DDAH1: variants seen among roughly 807,000 people sequenced by gnomAD.
DDAH1 encodes the protein N(G),N(G)-dimethylarginine dimethylaminohydrolase 1.
Under a neutral mutation model 28.8 loss-of-function variants are expected in DDAH1, and 19 were observed. The ratio of observed to expected loss-of-function variants is 0.66; its 90% CI spans 0.46 to 0.97. DDAH1 has a LOEUF of 0.97. Ranked by LOEUF, DDAH1 falls within the 50% of genes least tolerant of loss-of-function variation. The pLI, the probability that DDAH1 is intolerant of heterozygous loss-of-function variation, is 0.00. For missense variants in DDAH1, 326 were observed against 375.9 expected, an observed-to-expected ratio of 0.87 and a Z score of 1.10; for synonymous variants, 153 against 154.4, an observed-to-expected ratio of 0.99 and a Z score of 0.07.
At chr1:85,441,902 C>T (rs1042085012) in intron 1 of DDAH1, among the ~76,000 whole-genome samples, 16 of 152,106 alleles carry the variant, frequency 1.1e-4, no homozygotes, top group Non-Finnish European at 5.9e-5. Flanking sequence ...TTATAAACTG[C>T]ACTTTATAAA....
At chr1:85,346,549 C>G (rs1292925808) in intron 4 of DDAH1, among the ~76,000 whole-genome samples, 2 of 152,106 alleles carry the variant, frequency 1.3e-5, no homozygotes, top group African/African-American at 4.8e-5. Context: ...AATCAGGGCC[C>G]AGGAAACTTG....
At chr1:85,578,020 A>G (rs1241001846) in exon 1 of DDAH1, 32 of 985,408 alleles carry the variant, frequency 3.2e-5, no homozygotes, top group Non-Finnish European at 3.7e-5. Flanking sequence ...CTGTCCGTCA[A>G]CTTGGACTGA....
chr1:85,344,917 T>C (rs1648747086), intron 4 of DDAH1, among the ~76,000 whole-genome samples: 2 of 152,230 alleles, frequency 1.3e-5, no homozygotes, highest in Non-Finnish European at 2.9e-5. Context: ...TCATGTAGAA[T>C]GGTAAAGCAG....
At chr1:85,376,953 C>G (rs1650706521) in intron 1 of DDAH1, 1 of 152,100 alleles carries the variant, frequency 6.6e-6, no homozygotes, top group Non-Finnish European at 1.5e-5. Context: ...CACATTGTTA[C>G]TTTACCAAAT....
upstream of DDAH1, among the ~76,000 whole-genome samples, chr1:85,465,501 CT>C (rs1476174671): frequency 6.6e-6 from 1 of 152,212 alleles, no homozygotes; most frequent in African/African-American, 2.4e-5. Context: ...GACAGAGCAG[CT>C]GGAGGGCTTC....
intron 1 of DDAH1, among the ~76,000 whole-genome samples, chr1:85,543,630 A>G (rs1362702296): frequency 6.6e-6 from 1 of 152,192 alleles, no homozygotes; most frequent in Non-Finnish European, 1.5e-5. Flanking sequence ...AAACTGGACA[A>G]TGGCAGGCAT....
At chr1:85,494,283 G>T (rs1339846627) in intron 2 of DDAH1, 3 of 152,178 alleles carry the variant, frequency 2.0e-5, no homozygotes, top group Non-Finnish European at 4.4e-5. Flanking sequence ...TTGCATTAAG[G>T]CTGCCTAACT....
chr1:85,571,286 C>A (rs1659447239), intron 1 of DDAH1, among the ~76,000 whole-genome samples: 1 of 152,202 alleles, frequency 6.6e-6, no homozygotes, highest in African/African-American at 2.4e-5. Flanking sequence ...TGAAAGTTCT[C>A]ACTTTTAGAT....
chr1:85,443,094 C>A (rs372623562), intron 1 of DDAH1, among the ~76,000 whole-genome samples: 3 of 152,114 alleles, frequency 2.0e-5, no homozygotes, highest in East Asian at 3.9e-4. Flanking sequence ...GACATGAAGT[C>A]CTTGCCTATG....
chr1:85,486,557 A>G (rs1656209089), intron 2 of DDAH1, among the ~76,000 whole-genome samples: 1 of 152,210 alleles, frequency 6.6e-6, no homozygotes. Context: ...GCTAGACTAC[A>G]TATTTATTCA....
At chr1:85,571,318 GTGCACATTCCT>G (rs1273986253) in intron 1 of DDAH1, among the ~76,000 whole-genome samples, 1 of 152,196 alleles carries the variant, frequency 6.6e-6, no homozygotes, top group Non-Finnish European at 1.5e-5. Context: ...TCTCAGGAAT[GTGCACATTCCT>G]TGCAGTTCCC....
chr1:85,501,819 T>C (rs1402914830), intron 1 of DDAH1, among the ~76,000 whole-genome samples: 2 of 152,220 alleles, frequency 1.3e-5, no homozygotes, highest in East Asian at 1.9e-4. Context: ...GGGCTGGTAC[T>C]AGTAACTTCA....
At chr1:85,513,143 C>A (rs1042733007) in intron 1 of DDAH1, among the ~76,000 whole-genome samples, 1 of 152,084 alleles carries the variant, frequency 6.6e-6, no homozygotes, top group African/African-American at 2.4e-5. Flanking sequence ...ATACTGGTAC[C>A]AAAACAGATA....
At chr1:85,506,244 A>T (rs1286881122) in intron 1 of DDAH1, among the ~76,000 whole-genome samples, 2 of 152,188 alleles carry the variant, frequency 1.3e-5, no homozygotes, top group East Asian at 3.9e-4. Flanking sequence ...CAGGAAAAGG[A>T]TGCAGAAAGT....
chr1:85,489,490 T>C (rs945938650), intron 2 of DDAH1, among the ~76,000 whole-genome samples: 2 of 152,198 alleles, frequency 1.3e-5, no homozygotes, highest in Non-Finnish European at 2.9e-5. Flanking sequence ...TTTATTTTAC[T>C]ATACATTTTC....
chr1:85,351,686 C>T, intron 2 of DDAH1, 107 bp from the exon 3 acceptor site: 2 of 786,582 alleles, frequency 2.5e-6, no homozygotes, highest in Non-Finnish European at 4.3e-6. Flanking sequence ...TTCTCTCTTA[C>T]CACAGAGAAC....
chr1:85,570,965 G>A (rs902081239), intron 1 of DDAH1, among the ~76,000 whole-genome samples: 2 of 152,198 alleles, frequency 1.3e-5, no homozygotes, highest in African/African-American at 4.8e-5. Flanking sequence ...TGTAGAAAGA[G>A]GACGGAACTT....
chr1:85,410,051 C>T (rs962710003), intron 1 of DDAH1, among the ~76,000 whole-genome samples: 15 of 151,956 alleles, frequency 9.9e-5, no homozygotes, highest in East Asian at 1.9e-4. Context: ...GAGGCTGAGG[C>T]GGGAGGATCA....
At chr1:85,460,576 A>G (rs759842150) in intron 1 of DDAH1, among the ~76,000 whole-genome samples, 1 of 152,240 alleles carries the variant, frequency 6.6e-6, no homozygotes, top group African/African-American at 2.4e-5. Context: ...CCTAGTCAAC[A>G]GGGTACATGA....
Sources: gnomAD v4.1 joint callset for allele counts (sites outside exome capture counted in the v4.1 genomes callset) on GRCh38, gnomAD v4.1.1 for gene constraint, MANE v1.5 for transcripts, NCBI Gene and HGNC (gene_info 2026-07-23, HGNC 2026-07-21) for gene names.